NOSIP: variants seen among roughly 807,000 people sequenced by gnomAD.
NOSIP encodes nitric oxide synthase interacting protein, also known as nitric oxide synthase-interacting protein.
Under a neutral mutation model 36.4 loss-of-function variants are expected in NOSIP, and 25 were observed. The observed-to-expected ratio is 0.69, with a 90% CI of 0.50 to 0.96. The LOEUF (loss-of-function observed/expected upper bound fraction) is 0.96. NOSIP is among the 40% of genes least tolerant of loss of function. NOSIP has a pLI of 0.00. For synonymous variants in NOSIP, 187 were observed against 179.2 expected (o/e 1.04, Z -0.35); for missense variants, 370 against 429.0 (o/e 0.86, Z 1.21).
chr19:49,570,118 G>GAAAT (rs2080466092), intron 1 of NOSIP, among the ~76,000 whole-genome samples: 1 of 151,868 alleles, frequency 6.6e-6, no homozygotes, highest in South Asian at 2.1e-4. Context: ...AATAAAGAAA[G>GAAAT]AATAAAATAT....
intron 1 of NOSIP, among the ~76,000 whole-genome samples, chr19:49,576,005 G>T (rs774254385): frequency 2.6e-5 from 4 of 151,598 alleles, no homozygotes; most frequent in Non-Finnish European, 5.9e-5. Flanking sequence ...CGTGGTGGCG[G>T]GCGCCTGTAG....
intron 1 of NOSIP, among the ~76,000 whole-genome samples, chr19:49,565,770 A>AGG (rs1555734911): frequency 8.9e-6 from 1 of 111,848 alleles, no homozygotes; most frequent in Admixed American, 8.1e-5. Context: ...AAGAAAAAAA[A>AGG]AAGAAAGAAA....
rs112120564 is a variant in NOSIP, at chr19:49,555,652, T to G, written c.*99A>C. On this transcript the variant is annotated 3_prime_UTR_variant, in exon 9 of 9. Coordinates refer to ENST00000596358, the MANE Select transcript of NOSIP (RefSeq NM_001270960.2). Reference sequence around the variant, plus strand: ...TGTAGGAGCACTGTTTGCACGGCCCTGCATCCTCGCCTGCCCTGTCCCCGG... The same window carrying G: ...TGTAGGAGCACTGTTTGCACGGCCCGGCATCCTCGCCTGCCCTGTCCCCGG... 38,219 of 966,844 alleles carry G rather than the reference T, an allele frequency of 0.04. 4,653 individuals are homozygous for G. Among genetic ancestry groups the G allele is most frequent in the African/African-American group, 0.32 (20,117 of 62,470 alleles). 59.9% of individuals were successfully genotyped at this position (966,844 alleles called of 1,614,324 possible).
chr19:49,566,813 A>C (rs1459721571), intron 1 of NOSIP: 1 of 149,422 alleles, frequency 6.7e-6, no homozygotes, highest in Non-Finnish European at 1.5e-5. Flanking sequence ...ATATACACAC[A>C]TACTATTTTT....
At chr19:49,578,691 G>A (rs903427491) in intron 1 of NOSIP, among the ~76,000 whole-genome samples, 1 of 150,792 alleles carries the variant, frequency 6.6e-6, no homozygotes, top group African/African-American at 2.4e-5. Context: ...CTGTCGCCCA[G>A]GCTAGAGTGC....
chr19:49,571,983 C>CA (rs35870721), intron 1 of NOSIP, among the ~76,000 whole-genome samples: 1,585 of 56,334 alleles, frequency 0.028, 69 homozygotes, highest in Non-Finnish European at 0.039. Flanking sequence ...GACTCTGTCT[C>CA]AAAAAAAAAA....
chr19:49,578,323 C>T (rs558853020), intron 1 of NOSIP, among the ~76,000 whole-genome samples: 1 of 151,920 alleles, frequency 6.6e-6, no homozygotes, highest in South Asian at 2.1e-4. Context: ...GAGGTTTTAC[C>T]ATGTTGGCCA....
rs752257192 is a variant in NOSIP at position 49,558,920 on chromosome 19, T to C, written c.235A>G (p.Lys79Glu). 2.5e-6 allele frequency: 4 copies of C among 1,614,098 alleles called. No homozygotes were observed. The highest frequency in any genetic ancestry group is 1.1e-5 in the South Asian group (1 of 91,086). The change falls in exon 4 of 9, where the codon AAG becomes GAG. Residue 79 changes from lysine to glutamate, a missense_variant. This residue lies in a region of NOSIP where 315 missense variants were observed against 331.9 expected (regional missense o/e 0.95). Coordinates refer to ENST00000596358, the MANE Select transcript of NOSIP (RefSeq NM_001270960.2). ...AILEYILHQK[K>E]EIARQMKAYE... ...ACCTTCATCTGCCGGGCAATCTCCT[T>C]CTTCTGGTGCAGAATGTACTCCAGG...
chr19:49,569,011 C>G (rs2080449275), intron 1 of NOSIP, among the ~76,000 whole-genome samples: 1 of 151,286 alleles, frequency 6.6e-6, no homozygotes, highest in South Asian at 2.1e-4. Context: ...CCACGTTGGT[C>G]ACGATGGTCT....
chr19:49,557,374 G>A lies in NOSIP; in HGVS notation c.259-125C>T. The A allele has an allele frequency of 2.8e-6, 4 of 1,448,140 alleles. 1 individual carries two copies. The South Asian group carries it at 4.3e-5, about 15-fold the overall frequency. The allele number at this position is 1,448,140 out of a possible 1,614,324, so 89.7% of individuals were successfully genotyped here. On this transcript the variant is annotated intron_variant, in intron 4 of 8. Coordinates refer to ENST00000596358, the MANE Select transcript of NOSIP (RefSeq NM_001270960.2). ...CTGATGGAGGCACTATGTGGCAGAG[G>A]GTGGTAACTGCCACCCTGGGTGGGT...
At position 49,560,836 on chromosome 19, in the gene NOSIP, GCATGTGGT is replaced by G. The variant is rs2080324093; in HGVS notation, c.-1-152_-1-145del. On this transcript the variant is annotated intron_variant, in intron 1 of 8. Transcript: ENST00000596358. The surrounding 1 kb of genome is among the most constrained non-coding windows in gnomAD (Gnocchi z 4.6). The stretch of plus-strand genomic sequence containing the variant: ...GGGGGTGAGGTGGAAGAGAGGGAGG[GCATGTGGT>G]CGCCAGGCCTCCTCCAGGAAGTCCT... 1 of 670,678 alleles carries G rather than the reference GCATGTGGT, an allele frequency of 1.5e-6. No individual in the cohort carries two copies. The highest frequency in any genetic ancestry group is 2.7e-6 in the Non-Finnish European group (1 of 377,026). The allele number at this position is 670,678 out of a possible 1,614,324, so 41.5% of individuals were successfully genotyped here. A position where few individuals can be genotyped will look rare whatever the true frequency, so the allele number is the denominator to read the frequency against.
intron 4 of NOSIP, chr19:49,557,753 C>T (rs1008109508): frequency 6.4e-5 from 63 of 989,800 alleles, no homozygotes; most frequent in African/African-American, 4.5e-4. Flanking sequence ...TGAGTGAGGA[C>T]GGGAGAAGTG....
rs1162413518 is a variant in NOSIP at position 49,557,244 on chromosome 19, G to C, written c.264C>G (p.Tyr88Ter). ...CGCGCCGGGTGCCCCGCTGCTTCTCGTAGGCCTGCGTCGGGGAAAGTGGGC... is the reference window on the plus strand; with the variant it reads ...CGCGCCGGGTGCCCCGCTGCTTCTCCTAGGCCTGCGTCGGGGAAAGTGGGC... ...KKEIARQMKA[Y>*]EKQRGTRREE... Residue 88 changes from tyrosine to a stop codon, truncating the protein, a stop_gained, in exon 5 of 9, where the codon TAC becomes TAG. Coordinates refer to ENST00000596358, the MANE Select transcript of NOSIP (RefSeq NM_001270960.2). LOFTEE classifies it high-confidence loss of function. 3.2e-6 allele frequency: 5 copies of C among 1,582,628 alleles called. No homozygotes were observed. The highest frequency in any genetic ancestry group is 1.1e-5 in the South Asian group (1 of 87,192).
chr19:49,575,479 C>A (rs566351638), intron 1 of NOSIP, among the ~76,000 whole-genome samples: 26 of 152,288 alleles, frequency 1.7e-4, no homozygotes, highest in Admixed American at 5.2e-4. Flanking sequence ...TTCACTACCC[C>A]TGAAAATGGG....
At chr19:49,579,795 G>T (rs1395140567) in intron 1 of NOSIP, among the ~76,000 whole-genome samples, 1 of 152,112 alleles carries the variant, frequency 6.6e-6, no homozygotes, top group Non-Finnish European at 1.5e-5. Context: ...AAAAAATACA[G>T]CAAGTATGGC....
At chr19:49,575,872 C>G (rs768969666) in intron 1 of NOSIP, among the ~76,000 whole-genome samples, 16 of 152,210 alleles carry the variant, frequency 1.1e-4, no homozygotes, top group Admixed American at 2.0e-4. Context: ...TGGCTCACGC[C>G]TGTAATCCCA....
intron 1 of NOSIP, among the ~76,000 whole-genome samples, chr19:49,569,680 C>T (rs1180127400): frequency 6.6e-6 from 1 of 151,344 alleles, no homozygotes; most frequent in Non-Finnish European, 1.5e-5. Flanking sequence ...AGGTGGCAGG[C>T]GCCTGTAATC....
chr19:49,556,149 G>C (rs1440726888), intron 8 of NOSIP, among the ~76,000 whole-genome samples, 168 bp downstream of exon 8: 1 of 61,266 alleles, frequency 1.6e-5, no homozygotes, highest in Non-Finnish European at 2.8e-5. Context: ...GGGGGGAAGG[G>C]CGGGGCCTTG....
intron 5 of NOSIP, 48 bp from the exon 6 acceptor site, chr19:49,557,041 G>A: frequency 6.3e-7 from 1 of 1,589,622 alleles, no homozygotes; most frequent in Non-Finnish European, 8.6e-7. Context: ...GGCCCGCCCA[G>A]CCCGCGGCGC....
Sources: allele counts gnomAD v4.1 joint callset (sites outside exome capture counted in the v4.1 genomes callset), GRCh38; gene constraint gnomAD v4.1.1; regional missense constraint gnomAD v4.1.1; non-coding constraint Gnocchi (gnomAD v3.1); transcripts MANE v1.5; gene names NCBI Gene and HGNC (gene_info 2026-07-23, HGNC 2026-07-21).